The following RHOU variants were observed in gnomAD, a reference collection of about 807,000 sequenced individuals.
The protein encoded by RHOU is ras homolog family member U, also known as rho-related GTP-binding protein RhoU.
RHOU carries 8 observed loss-of-function variants against 12.6 expected under a neutral mutation model. The observed-to-expected ratio is 0.64, with a 90% CI of 0.37 to 1.15. The LOEUF (loss-of-function observed/expected upper bound fraction) is 1.15. RHOU is among the 50% of genes most tolerant of loss of function. The pLI is 0.01. For synonymous variants in RHOU, 161 were observed against 147.4 expected (o/e 1.09, Z -0.67); for missense variants, 258 against 347.0 (o/e 0.74, Z 2.04).
chr1:228,705,907 C>T, the RHOU span, among the ~76,000 whole-genome samples: 15 of 152,038 alleles, frequency 9.9e-5, no homozygotes, highest in Non-Finnish European at 1.8e-4. Flanking sequence ...TAGCCGGGCA[C>T]GATGGCACAT....
At chr1:228,705,108 T>A in the RHOU span, among the ~76,000 whole-genome samples, 5 of 148,438 alleles carry the variant, frequency 3.4e-5, no homozygotes, top group East Asian at 3.9e-4. Context: ...GGCCAAGAGT[T>A]TTTTTTTTTT....
chr1:228,709,958 T>TA, the RHOU span, among the ~76,000 whole-genome samples: 1 of 151,912 alleles, frequency 6.6e-6, no homozygotes, highest in East Asian at 1.9e-4. Flanking sequence ...ATAGGAGCAA[T>TA]AAAAAATGAT....
chr1:228,694,584 G>C, the RHOU span, among the ~76,000 whole-genome samples: 1 of 152,102 alleles, frequency 6.6e-6, no homozygotes, highest in East Asian at 1.9e-4. Flanking sequence ...TTGGTTTTCT[G>C]TTCCTGCATT....
In RHOU at chr1:228,743,623, C is replaced by T. The variant is rs761385091; in HGVS notation, c.660C>T (p.Val220=). The change falls in exon 3 of 3, where the codon GTC becomes GTT. Residue 220 remains valine (V), a synonymous_variant. Transcript: ENST00000366691. This position sits in a 1 kb window ranked among gnomAD's most constrained non-coding sequence, Gnocchi z 5.1. ...NLKEVFDAAI[V]AGIQYSDTQQ... ...AAGAGGTCTTTGATGCAGCCATCGT[C>T]GCTGGCATTCAATACTCGGACACTC... 8 of 1,613,994 alleles carry T rather than the reference C, an allele frequency of 5.0e-6. No homozygotes were observed. Among genetic ancestry groups the T allele is most frequent in the Middle Eastern group, 1.6e-4 (1 of 6,084 alleles).
chr1:228,746,233 A>C lies in RHOU; in HGVS notation c.*2493A>C, dbSNP rs2102721434. On this transcript the variant is annotated 3_prime_UTR_variant, in exon 3 of 3. Coordinates refer to ENST00000366691, the MANE Select transcript of RHOU (RefSeq NM_021205.6). Reference sequence around the variant, plus strand: ...AGTTTGGGGCCGAAAATGTTTTTAAAGTATGTGTTTGAGTTAAATATAAAG... The same window carrying C: ...AGTTTGGGGCCGAAAATGTTTTTAACGTATGTGTTTGAGTTAAATATAAAG... 1 of 152,332 alleles carries C rather than the reference A, an allele frequency of 6.6e-6. No homozygotes were observed. Among genetic ancestry groups the C allele is most frequent in the African/African-American group, 2.4e-5 (1 of 41,576 alleles). The allele number at this position is 152,332 out of a possible 1,614,324, so 9.4% of individuals were successfully genotyped here.
the RHOU span, among the ~76,000 whole-genome samples, chr1:228,670,492 C>T: frequency 6.6e-6 from 1 of 152,228 alleles, no homozygotes; most frequent in South Asian, 2.1e-4. Flanking sequence ...TCTCTTACCT[C>T]TCAAGGTCTC....
the RHOU span, among the ~76,000 whole-genome samples, chr1:228,692,444 T>C: frequency 6.6e-6 from 1 of 152,210 alleles, no homozygotes; most frequent in Non-Finnish European, 1.5e-5. Flanking sequence ...GAAGACCCTC[T>C]GCCTTGACAC....
chr1:228,745,677 A>G lies in RHOU; in HGVS notation c.*1937A>G, dbSNP rs542422328. On this transcript the variant is annotated 3_prime_UTR_variant, in exon 3 of 3. Transcript: ENST00000366691. ...AAAATGATTTGTGGAAATGCTTAAA[A>G]TAGACCTAACTGAATACAGTCTCAT... 1 of 152,348 alleles carries G rather than the reference A, an allele frequency of 6.6e-6. No homozygotes were observed. Among genetic ancestry groups the G allele is most frequent in the Admixed American group, 6.5e-5 (1 of 15,306 alleles). 9.4% of individuals were successfully genotyped at this position (152,348 alleles called of 1,614,324 possible). A position where few individuals can be genotyped will look rare whatever the true frequency, so the allele number is the denominator to read the frequency against.
the RHOU span, among the ~76,000 whole-genome samples, chr1:228,682,393 T>C: frequency 3.9e-5 from 6 of 152,160 alleles, no homozygotes; most frequent in Admixed American, 2.0e-4. Flanking sequence ...AAACAGGCTT[T>C]GTGTGAGCAA....
the RHOU span, among the ~76,000 whole-genome samples, chr1:228,724,531 A>G: frequency 6.6e-6 from 1 of 152,066 alleles, no homozygotes; most frequent in Non-Finnish European, 1.5e-5. Context: ...TGCCTTGGCT[A>G]GTCCCCAACT....
chr1:228,722,502 A>C, the RHOU span, among the ~76,000 whole-genome samples: 1 of 152,174 alleles, frequency 6.6e-6, no homozygotes, highest in Non-Finnish European at 1.5e-5. Flanking sequence ...CAGGCAACTC[A>C]AACTTCGTAT....
the RHOU span, among the ~76,000 whole-genome samples, chr1:228,698,865 A>G: frequency 3.9e-4 from 60 of 152,340 alleles, no homozygotes; most frequent in African/African-American, 1.3e-3. Flanking sequence ...ATAAAAGTAT[A>G]CCACATGAGT....
the RHOU span, among the ~76,000 whole-genome samples, chr1:228,713,729 G>A: frequency 6.6e-6 from 1 of 152,144 alleles, no homozygotes; most frequent in African/African-American, 2.4e-5. Context: ...TACGATGCCT[G>A]TTTTATAGTC....
chr1:228,663,548 A>G, the RHOU span, among the ~76,000 whole-genome samples: 1 of 150,648 alleles, frequency 6.6e-6, no homozygotes, highest in Non-Finnish European at 1.5e-5. Flanking sequence ...AAGCAGCAAT[A>G]TCTCAACACA....
At chr1:228,707,235 GTA>G in the RHOU span, among the ~76,000 whole-genome samples, 25,246 of 76,368 alleles carry the variant, frequency 0.33, 5,358 homozygotes, top group Admixed American at 0.43. Context: ...ATATACATAT[GTA>G]TATATATATA....
the RHOU span, among the ~76,000 whole-genome samples, chr1:228,699,430 C>T: frequency 2.6e-5 from 3 of 115,402 alleles, no homozygotes; most frequent in Non-Finnish European, 4.9e-5. Flanking sequence ...CCTGGGTGAC[C>T]GAGAGAGAAC....
the RHOU span, among the ~76,000 whole-genome samples, chr1:228,682,846 G>A: frequency 6.6e-6 from 1 of 152,120 alleles, no homozygotes; most frequent in Non-Finnish European, 1.5e-5. Context: ...GAAGGGAGTT[G>A]GATGTCACTC....
chr1:228,669,794 T>C, the RHOU span, among the ~76,000 whole-genome samples: 1 of 152,222 alleles, frequency 6.6e-6, no homozygotes. Context: ...AGCTACTTCA[T>C]TGTGAAGTGC....
At chr1:228,673,567 T>C in the RHOU span, among the ~76,000 whole-genome samples, 1 of 152,152 alleles carries the variant, frequency 6.6e-6, no homozygotes, top group East Asian at 1.9e-4. Context: ...GTTCTTGTGA[T>C]CATGAGAGAG....
Sources: allele counts gnomAD v4.1 joint callset (sites outside exome capture counted in the v4.1 genomes callset), GRCh38; gene constraint gnomAD v4.1.1; non-coding constraint Gnocchi (gnomAD v3.1); transcripts MANE v1.5; gene names NCBI Gene and HGNC (gene_info 2026-07-23, HGNC 2026-07-21).